DYDC2: variants seen among roughly 807,000 people sequenced by gnomAD.
DYDC2 encodes DPY30 domain containing 2, also known as DPY30 domain-containing protein 2.
Under a neutral mutation model 18.7 loss-of-function variants are expected in DYDC2, and 19 were observed. The observed-to-expected ratio is 1.02, with a 90% CI of 0.71 to 1.49. The LOEUF (loss-of-function observed/expected upper bound fraction) is 1.49, where lower values mean the gene tolerates loss of function less well. Ranked by LOEUF, DYDC2 falls within the 40% of genes most tolerant of loss-of-function variation. DYDC2 has a pLI of 0.00. For missense variants in DYDC2, 179 were observed against 205.1 expected (o/e 0.87, Z 0.78); for synonymous variants, 63 against 67.6 (o/e 0.93, Z 0.34).
chr10:80,357,527 GT>G (rs1171667202), intron 1 of DYDC2, among the ~76,000 whole-genome samples: 14 of 152,140 alleles, frequency 9.2e-5, no homozygotes, highest in Admixed American at 9.2e-4. Flanking sequence ...ACCTTCCAGA[GT>G]CCCTGGAAGA....
chr10:80,354,801 C>T (rs1843255110), upstream of DYDC2, among the ~76,000 whole-genome samples: 1 of 152,092 alleles, frequency 6.6e-6, no homozygotes, highest in Non-Finnish European at 1.5e-5. Context: ...ACCAGAAATG[C>T]CAATGCCTTG....
At chr10:80,363,347 T>G (rs1036753433) in intron 4 of DYDC2, among the ~76,000 whole-genome samples, 12 of 132,048 alleles carry the variant, frequency 9.1e-5, no homozygotes, top group African/African-American at 2.9e-4. Context: ...TTTTTTTTTT[T>G]TTTTTTTTTT....
chr10:80,356,902 G>A (rs1475623166), intron 1 of DYDC2, 77 bp downstream of exon 1: 2 of 962,136 alleles, frequency 2.1e-6, no homozygotes, highest in East Asian at 2.3e-4. Flanking sequence ...AGTAGGAGCA[G>A]GCGGCAGAGT....
upstream of DYDC2, chr10:80,356,773 C>A: frequency 2.0e-6 from 2 of 985,518 alleles, no homozygotes; most frequent in East Asian, 1.1e-4. Context: ...AACGAGAGCT[C>A]GCGCCTCAGG....
At chr10:80,352,080 A>T, upstream of DYDC2, 2 of 1,324,112 alleles carry the variant, frequency 1.5e-6, no homozygotes, top group South Asian at 1.2e-5. Context: ...AAAGCACTTA[A>T]TAGGAACAAT....
upstream of DYDC2, among the ~76,000 whole-genome samples, chr10:80,352,228 A>G (rs978488364): frequency 2.0e-5 from 3 of 152,238 alleles, no homozygotes; most frequent in African/African-American, 4.8e-5. Context: ...ACGTAAATCT[A>G]TAAATCTATA....
chr10:80,357,804 A>T (rs1024689269), intron 1 of DYDC2, 89 bp from the exon 2 acceptor site: 6 of 985,452 alleles, frequency 6.1e-6, no homozygotes, highest in African/African-American at 1.7e-5. Context: ...TGAGCTAGTA[A>T]ATGCCAGATT....
intron 4 of DYDC2, among the ~76,000 whole-genome samples, chr10:80,365,638 T>C (rs773676121): frequency 2.3e-4 from 35 of 152,322 alleles, no homozygotes; most frequent in Admixed American, 5.9e-4. Flanking sequence ...CAGTAGAGCC[T>C]AAGCTCCAAG....
upstream of DYDC2, among the ~76,000 whole-genome samples, chr10:80,354,121 TA>T (rs373127565): frequency 9.4e-4 from 135 of 144,032 alleles, no homozygotes; most frequent in African/African-American, 3.3e-3. Flanking sequence ...GTCTCATATA[TA>T]AAAAAAAATA....
intron 1 of DYDC2, among the ~76,000 whole-genome samples, chr10:80,345,442 C>G (rs1268856687): frequency 2.0e-5 from 3 of 152,138 alleles, no homozygotes; most frequent in Non-Finnish European, 4.4e-5. Flanking sequence ...CACCTAAAAT[C>G]TACTCTCTTA....
Position 80,357,979 on chromosome 10 carries a change from G to C in DYDC2, c.-76G>C. 1 of 985,512 alleles carries C rather than the reference G, an allele frequency of 1.0e-6. No homozygotes were observed. Among genetic ancestry groups the C allele is most frequent in the Non-Finnish European group, 1.2e-6 (1 of 830,010 alleles). The allele number at this position is 985,512 out of a possible 1,614,324, so 61.0% of individuals were successfully genotyped here. On this transcript the variant is annotated 5_prime_UTR_variant, in exon 2 of 5. Coordinates refer to ENST00000256039, the MANE Select transcript of DYDC2 (RefSeq NM_032372.6). ...ACCTTGCCTACTGAGTGCAAGTCCA[G>C]GAACTGTGTAAGCAGACCCTCAGAG... is the stretch of plus-strand genomic sequence containing the variant.
At chr10:80,358,593 T>G (rs1356730886) in intron 2 of DYDC2, among the ~76,000 whole-genome samples, 1 of 152,162 alleles carries the variant, frequency 6.6e-6, no homozygotes, top group Non-Finnish European at 1.5e-5. Context: ...ACCCCCTGAC[T>G]AGAGAATGCA....
At chr10:80,348,802 T>C (rs959065985) in intron 1 of DYDC2, among the ~76,000 whole-genome samples, 1 of 152,186 alleles carries the variant, frequency 6.6e-6, no homozygotes, top group Non-Finnish European at 1.5e-5. Flanking sequence ...TATACACACA[T>C]AGACTGATAG....
Position 80,357,942 on chromosome 10 carries a change from C to T in DYDC2, c.-113C>T. The T allele has an allele frequency of 1.0e-6, 1 of 984,910 alleles. No individual in the cohort carries two copies. Among genetic ancestry groups the T allele is most frequent in the South Asian group, 4.7e-5 (1 of 21,270 alleles). The allele number at this position is 984,910 out of a possible 1,614,324, so 61.0% of individuals were successfully genotyped here. On this transcript the variant is annotated 5_prime_UTR_variant, in exon 2 of 5. Transcript: ENST00000256039. The stretch of plus-strand genomic sequence containing the variant: ...CGGTATACAGTAAACAAAGACAACC[C>T]CTATTCTTATCACCTTGCCTACTGA...
intron 4 of DYDC2, among the ~76,000 whole-genome samples, chr10:80,366,454 T>G (rs946119332): frequency 6.6e-6 from 1 of 152,128 alleles, no homozygotes; most frequent in Non-Finnish European, 1.5e-5. Flanking sequence ...TTATAGGGAG[T>G]CTAGATTGTG....
chr10:80,348,915 G>A (rs1393858096), intron 1 of DYDC2, among the ~76,000 whole-genome samples: 1 of 151,152 alleles, frequency 6.6e-6, no homozygotes, highest in African/African-American at 2.4e-5. Context: ...TTTTTGAGGC[G>A]GAGTCTCGCT....
chr10:80,356,966 G>A, intron 1 of DYDC2, 141 bp downstream of exon 1: 1 of 591,060 alleles, frequency 1.7e-6, no homozygotes, highest in Non-Finnish European at 2.1e-6. Context: ...GGGCGTGCAG[G>A]AGTAGGAGCC....
chr10:80,347,123 TG>T (rs1289572648), intron 1 of DYDC2, among the ~76,000 whole-genome samples: 1 of 151,428 alleles, frequency 6.6e-6, no homozygotes, highest in Non-Finnish European at 1.5e-5. Context: ...AGGGGCGAGG[TG>T]GTATCTCATA....
chr10:80,358,962 A>C (rs996429382), intron 2 of DYDC2, among the ~76,000 whole-genome samples: 1 of 152,228 alleles, frequency 6.6e-6, no homozygotes, highest in Non-Finnish European at 1.5e-5. Context: ...GTTACAGCTC[A>C]TAAAGGCAGT....
Sources: gnomAD v4.1 joint callset for allele counts (sites outside exome capture counted in the v4.1 genomes callset) on GRCh38, gnomAD v4.1.1 for gene constraint, MANE v1.5 for transcripts, NCBI Gene and HGNC (gene_info 2026-07-23, HGNC 2026-07-21) for gene names.